The following ABCA3 variants were observed in gnomAD, a reference collection of about 807,000 sequenced individuals.
The protein encoded by ABCA3 is phospholipid-transporting ATPase ABCA3.
A neutral mutation model predicts 172.8 loss-of-function variants in ABCA3; 88 were observed. That is an observed-to-expected ratio of 0.51 (90% CI 0.43 to 0.61). The LOEUF is 0.61. Among genes scored for constraint, ABCA3 ranks in the 20% least tolerant of loss-of-function variants. The pLI, the probability that ABCA3 is intolerant of heterozygous loss-of-function variation, is 0.00. For missense variants in ABCA3, 2,164 were observed against 2,301.0 expected (o/e 0.94, Z 1.22); for synonymous variants, 1,066 against 983.8 (o/e 1.08, Z -1.56).
chr16:2,304,089 G>A lies in ABCA3; in HGVS notation c.1347C>T (p.Phe449=), dbSNP rs369712420. ...SPVNVDDDFC[F]GQVLGMLLLD... ...GCAGCAGCATCCCCAGCACCTGCCC[G>A]AAGCAGAAGTCGTCGTCCACGTTGA... The change falls in exon 12 of 33, where the codon TTC becomes TTT. Residue 449 remains phenylalanine, a synonymous_variant. Coordinates refer to ENST00000301732, the MANE Select transcript of ABCA3 (RefSeq NM_001089.3). 17 of 1,614,188 alleles carry A rather than the reference G, an allele frequency of 1.1e-5. No individual in the cohort carries two copies. The highest frequency in any genetic ancestry group is 2.2e-5 in the South Asian group (2 of 91,086).
chr16:2,283,429 C>A lies in ABCA3; in HGVS notation c.3863-71G>T. 6.4e-7 allele frequency: 1 copy of A among 1,554,344 alleles called. No individual in the cohort carries two copies. The highest frequency in any genetic ancestry group is 8.8e-7 in the Non-Finnish European group (1 of 1,138,882). On this transcript the variant is annotated intron_variant, in intron 25 of 32. Coordinates refer to ENST00000301732, the MANE Select transcript of ABCA3 (RefSeq NM_001089.3). This position sits in a 1 kb window ranked among gnomAD's most constrained non-coding sequence, Gnocchi z 5.4. Reference sequence around the variant, plus strand: ...CCTCCCCTTCCAGGTTCCCGGCCCCCACTCCCCTCCCCAGGCTGCTCAAGG... The same window carrying A: ...CCTCCCCTTCCAGGTTCCCGGCCCCAACTCCCCTCCCCAGGCTGCTCAAGG...
At position 2,286,807 on chromosome 16, in the gene ABCA3, G is replaced by A. The variant is rs371943188; in HGVS notation, c.3165C>T (p.Ala1055=). Residue 1055 remains alanine, a synonymous_variant, in exon 22 of 33, where the codon GCC becomes GCT. Coordinates refer to ENST00000301732, the MANE Select transcript of ABCA3 (RefSeq NM_001089.3). This position sits in a 1 kb window ranked among gnomAD's most constrained non-coding sequence, Gnocchi z 5.2. ...GCTTGAACAGAAGGTTGTCCACGAC[G>A]GCCAGGGCAGTGGCTGGAGAGTGGT... ...QAYHSPATAL[A]VVDNLLFKLL... is the part of the protein sequence containing the mutation. 287 of 1,614,032 alleles carry A rather than the reference G, an allele frequency of 1.8e-4. No individual in the cohort carries two copies. The highest frequency in any genetic ancestry group is 2.3e-4 in the Non-Finnish European group (276 of 1,180,046).
Position 2,276,003 on chromosome 16 carries a change from G to C in ABCA3, c.*671C>G, listed in dbSNP as rs1453960995. The C allele has an allele frequency of 3.8e-6, 1 of 262,926 alleles. No homozygotes were observed. Among genetic ancestry groups the C allele is most frequent in the East Asian group, 1.2e-4 (1 of 8,426 alleles). 16.3% of individuals were successfully genotyped at this position (262,926 alleles called of 1,614,324 possible). On this transcript the variant is annotated 3_prime_UTR_variant, in exon 33 of 33. Transcript: ENST00000301732. ...GGGCGGGCGACTTCCTGAGGGTGCA[G>C]TGCTGGAAACAGAGACTGCTTCGAG...
intron 3 of ABCA3, among the ~76,000 whole-genome samples, chr16:2,327,645 G>A (rs927383884): frequency 3.3e-5 from 5 of 152,204 alleles, no homozygotes; most frequent in Admixed American, 3.3e-4. Context: ...TGGCCCTAAA[G>A]ACCGGCTTTT....
chr16:2,310,332 C>T (rs906392621), intron 10 of ABCA3, among the ~76,000 whole-genome samples: 1 of 151,054 alleles, frequency 6.6e-6, no homozygotes, highest in Non-Finnish European at 1.5e-5. Context: ...CGCTTGAACC[C>T]GGGAGGTGGA....
intron 17 of ABCA3, 54 bp from the exon 18 acceptor site, chr16:2,295,794 T>C: frequency 2.5e-6 from 4 of 1,611,854 alleles, no homozygotes; most frequent in South Asian, 2.2e-5. Flanking sequence ...GGTCTCTTCA[T>C]GCCCACCCCG....
chr16:2,325,981 C>T (rs765419957), intron 5 of ABCA3, 29 bp downstream of exon 5: 25 of 1,611,746 alleles, frequency 1.6e-5, no homozygotes, highest in Non-Finnish European at 2.1e-5. Context: ...ACCACTAGGC[C>T]TGGCACCGAG....
At position 2,292,176 on chromosome 16, in the gene ABCA3, C is replaced by T. The variant is rs767369137; in HGVS notation, c.2477G>A (p.Gly826Glu). 3.7e-6 allele frequency: 6 copies of T among 1,614,020 alleles called. No individual in the cohort carries two copies. Among genetic ancestry groups the T allele is most frequent in the Non-Finnish European group, 4.2e-6 (5 of 1,179,930 alleles). ...TTCCTCCATGGTGGTGATGGATGCC[C>T]CAAAGCTGGCAATGCCCAGCTCTTT... is the stretch of plus-strand genomic sequence containing the variant. The part of the protein sequence containing the change: ...KQKELGIASF[G>E]ASITTMEEVF... Residue 826 changes from glycine to glutamate, a missense_variant, in exon 19 of 33, where the codon GGG becomes GAG. Coordinates refer to ENST00000301732, the MANE Select transcript of ABCA3 (RefSeq NM_001089.3).
chr16:2,276,153 G>A lies in ABCA3; in HGVS notation c.*521C>T, dbSNP rs543592832. On this transcript the variant is annotated 3_prime_UTR_variant, in exon 33 of 33. Transcript: ENST00000301732. ...AGGATGCCCCCGGGCTGCGCTGGAC[G>A]CTAAGACCCCAGCACCTAATCACAG... is the stretch of plus-strand genomic sequence containing the variant. The A allele has an allele frequency of 4.1e-5, 15 of 362,186 alleles. No individual in the cohort carries two copies. The highest frequency in any genetic ancestry group is 2.4e-4 in the East Asian group (3 of 12,748). 22.4% of individuals were successfully genotyped at this position (362,186 alleles called of 1,614,324 possible). A position where few individuals can be genotyped will look rare whatever the true frequency, so the allele number is the denominator to read the frequency against.
chr16:2,325,868 GA>G, intron 5 of ABCA3, 141 bp downstream of exon 5: 1 of 1,132,650 alleles, frequency 8.8e-7, no homozygotes, highest in Non-Finnish European at 1.3e-6. Context: ...TTGAAGTAGT[GA>G]TGCGGGAAGA....
chr16:2,306,819 T>G (rs541254287), intron 11 of ABCA3, among the ~76,000 whole-genome samples: 65 of 151,764 alleles, frequency 4.3e-4, no homozygotes, highest in Non-Finnish European at 8.4e-4. Context: ...ATCGAGACCA[T>G]CCTGGCTAAC....
Position 2,319,647 on chromosome 16 carries a change from G to C in ABCA3, c.807C>G (p.Leu269=). ...IQYQLPLLLL[L]SFTYTALTIA... is the part of the protein sequence containing the mutation. Reference sequence around the variant, plus strand: ...TGGTGAGCGCGGTGTAGGTGAAGCTGAGCAGCAGCAGCAGGGGCAGCTGGT... The same window carrying C: ...TGGTGAGCGCGGTGTAGGTGAAGCTCAGCAGCAGCAGCAGGGGCAGCTGGT... Residue 269 remains leucine, a synonymous_variant, in exon 8 of 33, where the codon CTC becomes CTG. Coordinates refer to ENST00000301732, the MANE Select transcript of ABCA3 (RefSeq NM_001089.3). The C allele has an allele frequency of 6.2e-7, 1 of 1,613,782 alleles. No homozygotes were observed. The highest frequency in any genetic ancestry group is 1.1e-5 in the South Asian group (1 of 91,082).
chr16:2,315,000 C>G (rs2093712670), intron 10 of ABCA3, among the ~76,000 whole-genome samples: 1 of 151,380 alleles, frequency 6.6e-6, no homozygotes, highest in African/African-American at 2.4e-5. Flanking sequence ...GCCTCAGCCT[C>G]CCGAGTAGCT....
chr16:2,334,446 G>C (rs1264295927), intron 1 of ABCA3, among the ~76,000 whole-genome samples: 2 of 151,976 alleles, frequency 1.3e-5, no homozygotes, highest in Admixed American at 6.6e-5. Context: ...TTGAGAGACG[G>C]GTACACAGTA....
At position 2,279,286 on chromosome 16, in the gene ABCA3, C is replaced by T. The variant is rs548144814; in HGVS notation, c.4360-156G>A. Among the ~76,000 whole-genome samples, 44 of 152,316 alleles carry T rather than the reference C, an allele frequency of 2.9e-4. No homozygotes were observed. The highest frequency in any genetic ancestry group is 2.6e-4 in the Admixed American group (4 of 15,308). On this transcript the variant is annotated intron_variant, in intron 28 of 32. Coordinates refer to ENST00000301732, the MANE Select transcript of ABCA3 (RefSeq NM_001089.3). This position sits in a 1 kb window ranked among gnomAD's most constrained non-coding sequence, Gnocchi z 4.4. ...GGGGGCGCTGGAGCTATGCACAGGCCGTGGTGGCTGCCCACAGTGGAAGCT... is the reference window on the plus strand; with the variant it reads ...GGGGGCGCTGGAGCTATGCACAGGCTGTGGTGGCTGCCCACAGTGGAAGCT...
In ABCA3 at chr16:2,323,505, C is replaced by G. The variant is rs201364163; in HGVS notation, c.613+18G>C. 2 of 1,613,950 alleles carry G rather than the reference C, an allele frequency of 1.2e-6. No individual in the cohort carries two copies. Among genetic ancestry groups the G allele is most frequent in the East Asian group, 4.5e-5 (2 of 44,884 alleles). ...AACAGCCCGGGCTGGTAACACGAAC[C>G]CTAACCGAGCTTCTCACCAGGTTCT... On this transcript the variant is annotated intron_variant, in intron 7 of 32. Coordinates refer to ENST00000301732, the MANE Select transcript of ABCA3 (RefSeq NM_001089.3).
chr16:2,276,649 C>G lies in ABCA3; in HGVS notation c.*25G>C. ...CCCTGCTTGCCCGTCCTGTCCCTGC[C>G]TGATGGCGAGACAGCCGCCACCCCT... On this transcript the variant is annotated 3_prime_UTR_variant, in exon 33 of 33. Transcript: ENST00000301732. The G allele has an allele frequency of 6.2e-7, 1 of 1,611,538 alleles. No homozygotes were observed. Among genetic ancestry groups the G allele is most frequent in the Non-Finnish European group, 8.5e-7 (1 of 1,179,848 alleles).
chr16:2,319,989 A>G, intron 7 of ABCA3, 149 bp from the exon 8 acceptor site: 1 of 945,646 alleles, frequency 1.1e-6, no homozygotes, highest in Non-Finnish European at 1.6e-6. Context: ...CAGTGGTCCC[A>G]CGGGAGAAGG....
chr16:2,303,587 TAAG>T (rs1052375448), intron 12 of ABCA3, among the ~76,000 whole-genome samples: 8 of 152,086 alleles, frequency 5.3e-5, no homozygotes, highest in Non-Finnish European at 1.2e-4. Flanking sequence ...AACATTTTTA[TAAG>T]AAGCTAGATT....
Sources: allele counts gnomAD v4.1 joint callset (sites outside exome capture counted in the v4.1 genomes callset), GRCh38; gene constraint gnomAD v4.1.1; non-coding constraint Gnocchi (gnomAD v3.1); transcripts MANE v1.5; gene names NCBI Gene and HGNC (gene_info 2026-07-23, HGNC 2026-07-21).